The following SHANK2 variants were observed in gnomAD, a reference collection of about 807,000 sequenced individuals.
SHANK2 encodes SH3 and multiple ankyrin repeat domains protein 2.
SHANK2 carries 43 observed loss-of-function variants against 133.7 expected under a neutral mutation model. That is an observed-to-expected ratio of 0.32 (90% CI 0.25 to 0.41). SHANK2 has a LOEUF of 0.41. Among genes scored for constraint, SHANK2 ranks in the 10% least tolerant of loss-of-function variants. The pLI is 1.00. For missense variants in SHANK2, 1,994 were observed against 2,235.8 expected, an observed-to-expected ratio of 0.89 and a Z score of 2.18; for synonymous variants, 1,017 against 952.8, an observed-to-expected ratio of 1.07 and a Z score of -1.24.
chr11:70,606,291 C>T (rs918848106), intron 17 of SHANK2, among the ~76,000 whole-genome samples: 3 of 152,056 alleles, frequency 2.0e-5, no homozygotes, highest in Non-Finnish European at 4.4e-5. Context: ...GTTGCTCCTG[C>T]CTTTGATCCC....
At chr11:71,087,366 C>T (rs954415894) in intron 8 of SHANK2, among the ~76,000 whole-genome samples, 59 of 152,208 alleles carry the variant, frequency 3.9e-4, no homozygotes, top group African/African-American at 9.1e-4. Context: ...GGGGAAAGGA[C>T]GGAGCTCCAG....
At chr11:70,764,755 T>A (rs570112966) in intron 14 of SHANK2, among the ~76,000 whole-genome samples, 10 of 151,426 alleles carry the variant, frequency 6.6e-5, no homozygotes, top group African/African-American at 2.4e-4. Context: ...CATTCACACA[T>A]CTGTCCATCC....
intron 14 of SHANK2, among the ~76,000 whole-genome samples, chr11:70,758,828 C>T (rs1946927188): frequency 2.6e-5 from 4 of 152,202 alleles, no homozygotes; most frequent in Non-Finnish European, 5.9e-5. Flanking sequence ...TCCTAAGCCC[C>T]CGACTGACTG....
At chr11:70,615,850 A>G (rs79632257) in intron 17 of SHANK2, among the ~76,000 whole-genome samples, 10,772 of 152,260 alleles carry the variant, frequency 0.071, 478 homozygotes, top group South Asian at 0.083. Flanking sequence ...TTTGTTGGCA[A>G]CAAGGGAGGA....
At chr11:71,083,940 A>C (rs1239963459) in intron 8 of SHANK2, among the ~76,000 whole-genome samples, 3 of 148,460 alleles carry the variant, frequency 2.0e-5, no homozygotes, top group Non-Finnish European at 4.5e-5. Flanking sequence ...GTAATCAAAA[A>C]CAAAACAAAA....
chr11:70,501,578 G>A (rs2059053329), intron 20 of SHANK2, among the ~76,000 whole-genome samples: 1 of 152,220 alleles, frequency 6.6e-6, no homozygotes, highest in Admixed American at 6.5e-5. Flanking sequence ...GCTCCATGGT[G>A]ACTCCCCGGA....
chr11:71,092,380 C>A, intron 8 of SHANK2, 42 bp downstream of exon 8: 1 of 1,548,960 alleles, frequency 6.5e-7, no homozygotes, highest in South Asian at 1.2e-5. Context: ...AAGGGGAAGT[C>A]AGTTCGTGGG....
chr11:70,652,929 C>G (rs1200726982), intron 17 of SHANK2, among the ~76,000 whole-genome samples: 1 of 152,200 alleles, frequency 6.6e-6, no homozygotes, highest in Non-Finnish European at 1.5e-5. Flanking sequence ...TGGGACCCAG[C>G]AAGCATAATG....
At chr11:71,120,529 C>T (rs530971330) in intron 3 of SHANK2, among the ~76,000 whole-genome samples, 5 of 152,242 alleles carry the variant, frequency 3.3e-5, no homozygotes, top group South Asian at 2.1e-4. Context: ...GTTCAGTGGG[C>T]GGCCAGAGTC....
chr11:70,731,299 C>T (rs901840706), intron 14 of SHANK2, among the ~76,000 whole-genome samples: 3 of 152,170 alleles, frequency 2.0e-5, no homozygotes, highest in Non-Finnish European at 2.9e-5. Flanking sequence ...GATGGCACCT[C>T]GGCCTATGAC....
At chr11:70,507,773 C>G (rs539895522) in intron 17 of SHANK2, among the ~76,000 whole-genome samples, 15 of 152,206 alleles carry the variant, frequency 9.9e-5, no homozygotes, top group Non-Finnish European at 1.9e-4. Flanking sequence ...GAAACCACAT[C>G]GTTTCCATCA....
rs184041769 is a variant in SHANK2, at chr11:70,946,012, C to T, written c.1108-49445G>A. On this transcript the variant is annotated intron_variant, in intron 10 of 25. Coordinates refer to ENST00000601538, the MANE Select transcript of SHANK2 (RefSeq NM_012309.5). Reference sequence around the variant, plus strand: ...TCCACTAACCAACCCTTCCCAGGCTCGCCCTCCCTCTCCACTAACCACCCC... The same window carrying T: ...TCCACTAACCAACCCTTCCCAGGCTTGCCCTCCCTCTCCACTAACCACCCC... 2.5e-3 allele frequency among the ~76,000 whole-genome samples: 373 copies of T among 150,048 alleles called. 3 individuals are homozygous for T. Among genetic ancestry groups the T allele is most frequent in the Admixed American group, 8.9e-3 (134 of 15,118 alleles).
Position 70,488,976 on chromosome 11 carries a change from C to A in SHANK2, c.2572+352G>T, listed in dbSNP as rs371747071. ...TTGGAGAAGGGAAGCGAGACACGCA[C>A]ACACACCGACAGACGCGTGGCACAG... On this transcript the variant is annotated intron_variant, in intron 24 of 25. Coordinates refer to ENST00000601538, the MANE Select transcript of SHANK2 (RefSeq NM_012309.5). The A allele has an allele frequency of 5.7e-4, 185 of 324,944 alleles. 2 individuals are homozygous for A. The highest frequency in any genetic ancestry group is 4.3e-3 in the East Asian group (53 of 12,468). The allele number at this position is 324,944 out of a possible 1,614,324, so 20.1% of individuals were successfully genotyped here. A position where few individuals can be genotyped will look rare whatever the true frequency, so the allele number is the denominator to read the frequency against.
rs529405690 is a variant in SHANK2, at chr11:70,470,122, T to A, written c.*2747A>T. The A allele has an allele frequency of 6.6e-6, 1 of 152,612 alleles. No homozygotes were observed. The highest frequency in any genetic ancestry group is 6.5e-5 in the Admixed American group (1 of 15,282). The allele number at this position is 152,612 out of a possible 1,614,324, so 9.5% of individuals were successfully genotyped here. A position where few individuals can be genotyped will look rare whatever the true frequency, so the allele number is the denominator to read the frequency against. On this transcript the variant is annotated 3_prime_UTR_variant, in exon 26 of 26. Coordinates refer to ENST00000601538, the MANE Select transcript of SHANK2 (RefSeq NM_012309.5). ...AACATGTCCCAAAGGGGGAGAACAG[T>A]GGGTGGTGATTTGAATGAGGAACTA... is the stretch of plus-strand genomic sequence containing the variant.
chr11:70,821,124 T>C (rs1555055870), intron 11 of SHANK2, among the ~76,000 whole-genome samples: 1 of 152,172 alleles, frequency 6.6e-6, no homozygotes, highest in Non-Finnish European at 1.5e-5. Flanking sequence ...CCCAAGTTCG[T>C]GTGTTGACGT....
intron 15 of SHANK2, among the ~76,000 whole-genome samples, chr11:70,671,505 G>A (rs1944808248): frequency 6.6e-6 from 1 of 152,198 alleles, no homozygotes; most frequent in African/African-American, 2.4e-5. Context: ...ACTCAGCAGG[G>A]GCTGGAAGGC....
chr11:70,510,851 C>T (rs1335066090), intron 17 of SHANK2, among the ~76,000 whole-genome samples: 5 of 152,332 alleles, frequency 3.3e-5, no homozygotes, highest in African/African-American at 9.6e-5. Context: ...CTCCATTTTC[C>T]GGACAGAAGC....
rs143219330 is a variant in SHANK2, at chr11:70,649,767, C to T, written c.2061+10061G>A. Among the ~76,000 whole-genome samples the T allele has an allele frequency of 7.9e-5, 12 of 152,314 alleles. No homozygotes were observed. The East Asian group carries it at 1.4e-3, about 17-fold the overall frequency. ...CTCCTGCAGCCTTCGCTCCATGTAG[C>T]CTGGGGCTGGGTGTACAGCATCCAC... is the stretch of plus-strand genomic sequence containing the variant. On this transcript the variant is annotated intron_variant, in intron 17 of 25. Transcript: ENST00000601538.
rs144632690 is a variant in SHANK2, at chr11:70,815,832, G to A, written c.1493+4532C>T. Among the ~76,000 whole-genome samples, 9 of 152,342 alleles carry A rather than the reference G, an allele frequency of 5.9e-5. No homozygotes were observed. The East Asian group carries it at 1.7e-3, about 29-fold the overall frequency. On this transcript the variant is annotated intron_variant, in intron 12 of 25. Transcript: ENST00000601538. Reference sequence around the variant, plus strand: ...ACACTGCCACGCCCACTGCAGTCCTGGCCAAGGTTTCTGGGGCTTTGGGTC... The same window carrying A: ...ACACTGCCACGCCCACTGCAGTCCTAGCCAAGGTTTCTGGGGCTTTGGGTC...
Sources: gnomAD v4.1 joint callset for allele counts (sites outside exome capture counted in the v4.1 genomes callset) on GRCh38, gnomAD v4.1.1 for gene constraint, MANE v1.5 for transcripts, NCBI Gene and HGNC (gene_info 2026-07-23, HGNC 2026-07-21) for gene names.